Variants in GNAQ observed in about 807,000 individuals in gnomAD.
The protein encoded by GNAQ is guanine nucleotide-binding protein G(q) subunit alpha.
A neutral mutation model predicts 43.9 loss-of-function variants in GNAQ; 8 were observed. The observed-to-expected ratio is 0.18, with a 90% confidence interval of 0.11 to 0.33. GNAQ has a LOEUF of 0.33. GNAQ is among the 10% of genes least tolerant of loss of function. The pLI is 1.00. For missense variants in GNAQ, 158 were observed against 450.8 expected (o/e 0.35, Z 5.88); for synonymous variants, 155 against 170.7 (o/e 0.91, Z 0.71).
intron 1 of GNAQ, among the ~76,000 whole-genome samples, chr9:77,983,290 C>T (rs549475980): frequency 5.3e-5 from 8 of 152,298 alleles, no homozygotes; most frequent in South Asian, 4.1e-4. Context: ...AAAGCAACTG[C>T]GTCATTTTAG....
intron 1 of GNAQ, among the ~76,000 whole-genome samples, chr9:77,942,982 T>C (rs968235266): frequency 6.6e-6 from 1 of 152,226 alleles, no homozygotes; most frequent in African/African-American, 2.4e-5. Context: ...TGAATTTACC[T>C]TTCTGGTTTT....
chr9:77,819,781 G>A (rs1373115146), intron 2 of GNAQ, among the ~76,000 whole-genome samples: 17 of 140,984 alleles, frequency 1.2e-4, no homozygotes, highest in African/African-American at 1.3e-4. Flanking sequence ...ATGGACTGTG[G>A]AAAAAAAAAA....
At chr9:77,769,429 A>G (rs1335627758) in intron 5 of GNAQ, among the ~76,000 whole-genome samples, 1 of 151,794 alleles carries the variant, frequency 6.6e-6, no homozygotes, top group African/African-American at 2.4e-5. Context: ...AGAAGAACTA[A>G]TCTGCCAAAC....
intron 2 of GNAQ, among the ~76,000 whole-genome samples, chr9:77,829,069 G>A (rs1376672703): frequency 6.6e-6 from 1 of 152,152 alleles, no homozygotes; most frequent in Non-Finnish European, 1.5e-5. Flanking sequence ...GGTGGGACAA[G>A]AGCTGCTGGG....
At chr9:77,970,140 A>G (rs1325261699) in intron 1 of GNAQ, among the ~76,000 whole-genome samples, 1 of 151,250 alleles carries the variant, frequency 6.6e-6, no homozygotes, top group Admixed American at 6.6e-5. Context: ...AATCGCTTGA[A>G]CCCGGGAGAT....
At chr9:77,821,318 T>C (rs538889161) in intron 2 of GNAQ, among the ~76,000 whole-genome samples, 22 of 152,326 alleles carry the variant, frequency 1.4e-4, no homozygotes, top group Admixed American at 5.2e-4. Context: ...CATTCTAACA[T>C]AGAATGGGGA....
At chr9:77,748,733 T>C (rs763850694) in intron 5 of GNAQ, among the ~76,000 whole-genome samples, 1 of 152,170 alleles carries the variant, frequency 6.6e-6, no homozygotes. Flanking sequence ...AGATAGAATA[T>C]GAAAATAGGT....
chr9:77,811,122 G>A (rs1271167159), intron 3 of GNAQ, among the ~76,000 whole-genome samples: 1 of 152,112 alleles, frequency 6.6e-6, no homozygotes, highest in Non-Finnish European at 1.5e-5. Flanking sequence ...AAATGTAGAT[G>A]TTAAGTATTC....
intron 5 of GNAQ, among the ~76,000 whole-genome samples, chr9:77,778,088 T>G (rs1179636778): frequency 6.6e-6 from 1 of 152,184 alleles, no homozygotes; most frequent in East Asian, 1.9e-4. Context: ...TCAACTCAAG[T>G]ATCCATCAAT....
intron 2 of GNAQ, among the ~76,000 whole-genome samples, chr9:77,850,495 G>A (rs1827656433): frequency 2.0e-5 from 3 of 152,130 alleles, no homozygotes; most frequent in Admixed American, 6.5e-5. Context: ...TTTCCAGTCC[G>A]TTCTCCACAG....
chr9:78,000,608 C>T (rs1008353652), intron 1 of GNAQ, among the ~76,000 whole-genome samples: 3 of 152,156 alleles, frequency 2.0e-5, no homozygotes, highest in African/African-American at 7.2e-5. Flanking sequence ...ATTACACCAA[C>T]AAGCATAGTA....
At chr9:77,752,186 T>C (rs1825823226) in intron 5 of GNAQ, among the ~76,000 whole-genome samples, 1 of 152,142 alleles carries the variant, frequency 6.6e-6, no homozygotes, top group African/African-American at 2.4e-5. Flanking sequence ...TAAAACAAAA[T>C]AAACATGGTG....
chr9:77,823,304 G>T (rs1254716013), intron 2 of GNAQ, among the ~76,000 whole-genome samples: 2 of 152,076 alleles, frequency 1.3e-5, no homozygotes, highest in Admixed American at 1.3e-4. Flanking sequence ...TTTTTTTGTA[G>T]TAAGTTATAT....
rs149402637 is a variant in GNAQ, at chr9:77,967,706, G to A, written c.137-45361C>T. On this transcript the variant is annotated intron_variant, in intron 1 of 6. Transcript: ENST00000286548. ...GTTAAAATGTTCAGGTCTGCTGGGC[G>A]CGGTGGCTCTCTCCTGTAATCCCAG... is the stretch of plus-strand genomic sequence containing the variant. Among the ~76,000 whole-genome samples the A allele has an allele frequency of 6.0e-3, 908 of 152,274 alleles. 5 individuals are homozygous for A. Among genetic ancestry groups the A allele is most frequent in the Non-Finnish European group, 9.9e-3 (675 of 68,024 alleles).
chr9:77,835,800 T>A (rs980929043), intron 2 of GNAQ, among the ~76,000 whole-genome samples: 5 of 152,220 alleles, frequency 3.3e-5, no homozygotes, highest in Admixed American at 3.3e-4. Flanking sequence ...ACAGTGCCTA[T>A]CTCATAACAA....
At position 77,948,153 on chromosome 9, in the gene GNAQ, GAATAA is replaced by G. The variant is rs377529564; in HGVS notation, c.137-25813_137-25809del. Among the ~76,000 whole-genome samples, 93 of 152,196 alleles carry G rather than the reference GAATAA, an allele frequency of 6.1e-4. No homozygotes were observed. The East Asian group carries it at 0.017, about 28-fold the overall frequency. ...AATTCAAAACGGCATAAATGTTTTT[GAATAA>G]AATAATGTTATTTGTGAATTAACAT... On this transcript the variant is annotated intron_variant, in intron 1 of 6. Transcript: ENST00000286548.
intron 1 of GNAQ, among the ~76,000 whole-genome samples, chr9:77,943,831 T>G (rs1302131769): frequency 6.6e-6 from 1 of 151,968 alleles, no homozygotes; most frequent in Non-Finnish European, 1.5e-5. Flanking sequence ...CACGCCTGGC[T>G]AATTGTTGTA....
At chr9:77,896,800 C>T (rs1828511172) in intron 2 of GNAQ, among the ~76,000 whole-genome samples, 1 of 152,222 alleles carries the variant, frequency 6.6e-6, no homozygotes, top group Non-Finnish European at 1.5e-5. Context: ...CATTTTCATT[C>T]ATTTCATGAC....
intron 1 of GNAQ, among the ~76,000 whole-genome samples, chr9:77,975,757 T>TC (rs1823293605): frequency 6.8e-6 from 1 of 147,210 alleles, no homozygotes; most frequent in Non-Finnish European, 1.5e-5. Flanking sequence ...CCAGGATGGT[T>TC]GATCTCTTGA....
Sources: gnomAD v4.1 joint callset for allele counts (sites outside exome capture counted in the v4.1 genomes callset) on GRCh38, gnomAD v4.1.1 for gene constraint, MANE v1.5 for transcripts, NCBI Gene and HGNC (gene_info 2026-07-23, HGNC 2026-07-21) for gene names.